Variants in PNPLA7 observed in about 807,000 individuals in gnomAD.
PNPLA7 encodes the protein patatin like domain 7, lysophospholipase.
PNPLA7 carries 153 observed loss-of-function variants against 161.7 expected under a neutral mutation model. The ratio of observed to expected loss-of-function variants is 0.95; its 90% CI spans 0.83 to 1.08. The LOEUF is 1.08. Among genes scored for constraint, PNPLA7 ranks in the 50% least tolerant of loss-of-function variants. PNPLA7 has a pLI of 0.00. For synonymous variants in PNPLA7, 809 were observed against 782.1 expected, an observed-to-expected ratio of 1.03 and a Z score of -0.57; for missense variants, 1,739 against 1,856.6, an observed-to-expected ratio of 0.94 and a Z score of 1.16.
At chr9:137,527,041 G>A (rs577072338) in intron 8 of PNPLA7, among the ~76,000 whole-genome samples, 1 of 152,146 alleles carries the variant, frequency 6.6e-6, no homozygotes, top group South Asian at 2.1e-4. Context: ...GGCCGAGGCA[G>A]GTAGATCACG....
At position 137,493,029 on chromosome 9, in the gene PNPLA7, C is replaced by G. The variant is rs759779897; in HGVS notation, c.2181G>C (p.Gln727His). ...GTGACCCACCTGTCACAGGTCCCTG[C>G]TGGAGGCTGCCCAGGATCTTCTCAC... is the stretch of plus-strand genomic sequence containing the variant. ...LLGEKILGSL[Q>H]QGPVTGHQLG... is the part of the protein sequence containing the mutation. Residue 727 changes from glutamine to histidine, a missense_variant, in exon 20 of 35, where the codon CAG (glutamine) becomes CAC (histidine). Physicochemically the swap from Gln to His is conservative, Grantham distance 24. Transcript: ENST00000406427. 67 of 1,613,778 alleles carry G rather than the reference C, an allele frequency of 4.2e-5. No individual in the cohort carries two copies. The Middle Eastern group carries it at 6.6e-4, about 16-fold the overall frequency.
At chr9:137,549,054 C>G (rs531174193) in intron 1 of PNPLA7, among the ~76,000 whole-genome samples, 1 of 152,246 alleles carries the variant, frequency 6.6e-6, no homozygotes, top group Non-Finnish European at 1.5e-5. Context: ...CGCGATGGCC[C>G]GTGACCTGGT....
chr9:137,532,475 T>C (rs908223537), intron 8 of PNPLA7, among the ~76,000 whole-genome samples: 27 of 152,120 alleles, frequency 1.8e-4, no homozygotes, highest in African/African-American at 6.5e-4. Context: ...CTTATCTTTG[T>C]CCCCTTGTGG....
At chr9:137,469,977 T>C (rs1171309600) in intron 25 of PNPLA7, among the ~76,000 whole-genome samples, 1 of 152,144 alleles carries the variant, frequency 6.6e-6, no homozygotes, top group Non-Finnish European at 1.5e-5. Context: ...AAATAGAACA[T>C]ATGAGTAGTA....
chr9:137,481,915 A>G (rs890501095), intron 21 of PNPLA7, among the ~76,000 whole-genome samples: 11 of 152,220 alleles, frequency 7.2e-5, no homozygotes, highest in Admixed American at 2.0e-4. Context: ...CAGCCTGGAC[A>G]ACAGAGCAAG....
At chr9:137,515,247 C>G in intron 12 of PNPLA7, 132 bp downstream of exon 12, 2 of 1,228,892 alleles carry the variant, frequency 1.6e-6, no homozygotes, top group Non-Finnish European at 1.1e-6. Context: ...ACAGGCCCCC[C>G]TGGGCACGTG....
intron 26 of PNPLA7, 126 bp from the exon 27 acceptor site, chr9:137,464,582 C>T (rs959515659): frequency 2.2e-6 from 2 of 897,764 alleles, no homozygotes; most frequent in East Asian, 2.5e-5. Flanking sequence ...GGGCCCCACC[C>T]ACGGTCCTGA....
Position 137,462,205 on chromosome 9 carries a change from C to A in PNPLA7, c.3619G>T (p.Asp1207Tyr). Reference protein sequence around the residue: ...RPPIDSYSTLDFGKFNEICEV... With the variant: ...RPPIDSYSTLYFGKFNEICEV... ...CAGATCTCGTTGAACTTGCCGAAGT[C>A]CAGGGTGCTGTAGCTGTCGATGGGG... Residue 1207 changes from aspartate to tyrosine, a missense_variant, in exon 31 of 35, where the codon GAC (aspartate) becomes TAC (tyrosine). Physicochemically the swap from Asp to Tyr is radical, Grantham distance 160. Around this residue, in one of 6 missense-constraint regions of PNPLA7, gnomAD observed 703 missense variants for 694.6 expected, o/e 1.01. Coordinates refer to ENST00000406427, the MANE Select transcript of PNPLA7 (RefSeq NM_001098537.3). 6.3e-7 allele frequency: 1 copy of A among 1,583,884 alleles called. No homozygotes were observed.
chr9:137,519,485 G>T (rs1398208084), intron 11 of PNPLA7, among the ~76,000 whole-genome samples: 1 of 152,270 alleles, frequency 6.6e-6, no homozygotes, highest in Non-Finnish European at 1.5e-5. Context: ...CGGGCCTCAT[G>T]TGAGGAGACG....
At chr9:137,538,249 C>T (rs1835999398) in intron 8 of PNPLA7, among the ~76,000 whole-genome samples, 2 of 152,208 alleles carry the variant, frequency 1.3e-5, no homozygotes, top group African/African-American at 2.4e-5. Flanking sequence ...CCACGCGTCA[C>T]GTGAAGATAC....
At chr9:137,492,239 C>G in intron 20 of PNPLA7, 1 of 985,292 alleles carries the variant, frequency 1.0e-6, no homozygotes, top group African/African-American at 1.7e-5. Flanking sequence ...GTCTCATTAT[C>G]TTTCCATGCT....
At position 137,547,006 on chromosome 9, in the gene PNPLA7, G is replaced by A. The variant is rs1836567205; in HGVS notation, c.194-97C>T. 6 of 1,174,640 alleles carry A rather than the reference G, an allele frequency of 5.1e-6. No individual in the cohort carries two copies. 72.8% of individuals were successfully genotyped at this position (1,174,640 alleles called of 1,614,324 possible). On this transcript the variant is annotated intron_variant, in intron 3 of 34. Transcript: ENST00000406427. The surrounding 1 kb of genome is among the most constrained non-coding windows in gnomAD (Gnocchi z 4.6). ...CACAGTCAGTCATACTCTCGTCCCT[G>A]CCAGTAACTGGCCATACTCAGACAG... is the stretch of plus-strand genomic sequence containing the variant.
intron 20 of PNPLA7, chr9:137,491,797 C>T: frequency 1.0e-6 from 1 of 985,428 alleles, no homozygotes; most frequent in Non-Finnish European, 1.2e-6. Context: ...GCTCCTGCTC[C>T]CAGCCAGCTC....
chr9:137,536,152 CAA>C lies in PNPLA7; in HGVS notation c.747+4488_747+4489del, dbSNP rs36008993. ...TGGGCGACAGACCAAGACTCCATCA[CAA>C]AAAAAAAAAAAAGAAAAGAAAAAGT... On this transcript the variant is annotated intron_variant, in intron 8 of 34. Coordinates refer to ENST00000406427, the MANE Select transcript of PNPLA7 (RefSeq NM_001098537.3). Among the ~76,000 whole-genome samples, 52 of 125,818 alleles carry C rather than the reference CAA, an allele frequency of 4.1e-4. 1 individual carries two copies. Among genetic ancestry groups the C allele is most frequent in the African/African-American group, 6.2e-4 (22 of 35,528 alleles). 82.5% of individuals were successfully genotyped at this position (125,818 alleles called of 152,430 possible).
intron 20 of PNPLA7, among the ~76,000 whole-genome samples, chr9:137,488,730 G>A (rs890296942): frequency 5.8e-5 from 4 of 69,054 alleles, no homozygotes; most frequent in African/African-American, 1.9e-4. Flanking sequence ...CCCCAACTGT[G>A]CACCCCCCGA....
chr9:137,500,659 C>T lies in PNPLA7; in HGVS notation c.1757+32G>A, dbSNP rs908234770. ...GGTCTCAGGGCAGGGGGGGCTGGGG[C>T]CCGCCCTGAGGTCCTGGCCCGTGGG... On this transcript the variant is annotated intron_variant, in intron 16 of 34. Coordinates refer to ENST00000406427, the MANE Select transcript of PNPLA7 (RefSeq NM_001098537.3). The surrounding 1 kb of genome is among the most constrained non-coding windows in gnomAD (Gnocchi z 5.5). 3.7e-6 allele frequency: 6 copies of T among 1,604,114 alleles called. No homozygotes were observed. The highest frequency in any genetic ancestry group is 5.1e-6 in the Non-Finnish European group (6 of 1,174,984).
chr9:137,464,051 C>A (rs1831346280), intron 28 of PNPLA7, 75 bp downstream of exon 28: 1 of 1,520,104 alleles, frequency 6.6e-7, no homozygotes. Context: ...CCTTCCCAAC[C>A]CCTGGGGCTG....
chr9:137,520,957 G>C lies in PNPLA7; in HGVS notation c.957+679C>G, dbSNP rs558355501. Among the ~76,000 whole-genome samples, 180 of 150,294 alleles carry C rather than the reference G, an allele frequency of 1.2e-3. No homozygotes were observed. The highest frequency in any genetic ancestry group is 4.1e-3 in the African/African-American group (168 of 40,830). On this transcript the variant is annotated intron_variant, in intron 10 of 34. Transcript: ENST00000406427. This position sits in a 1 kb window ranked among gnomAD's most constrained non-coding sequence, Gnocchi z 5.2. Reference sequence around the variant, plus strand: ...GCAGCCTCTGCTGGACGCGGACGTAGGGACCCCACGGGACGGGCATGGGGA... The same window carrying C: ...GCAGCCTCTGCTGGACGCGGACGTACGGACCCCACGGGACGGGCATGGGGA...
intron 11 of PNPLA7, among the ~76,000 whole-genome samples, chr9:137,518,862 A>C (rs2132462646): frequency 1.1e-5 from 1 of 93,834 alleles, no homozygotes; most frequent in East Asian, 3.5e-4. Flanking sequence ...CCACTCACTC[A>C]CTTCACTCTA....
Sources: allele counts gnomAD v4.1 joint callset (sites outside exome capture counted in the v4.1 genomes callset), GRCh38; gene constraint gnomAD v4.1.1; regional missense constraint gnomAD v4.1.1; non-coding constraint Gnocchi (gnomAD v3.1); transcripts MANE v1.5; gene names NCBI Gene and HGNC (gene_info 2026-07-23, HGNC 2026-07-21).